Variants in CRISPLD2 observed in about 807,000 individuals in gnomAD.
The protein encoded by CRISPLD2 is cysteine-rich secretory protein LCCL domain-containing 2.
In CRISPLD2, 47 loss-of-function variants were observed where a neutral mutation model predicts 71.1. The ratio of observed to expected loss-of-function variants is 0.66; its 90% CI spans 0.52 to 0.84. The LOEUF (loss-of-function observed/expected upper bound fraction) is 0.84. Among genes scored for constraint, CRISPLD2 ranks in the 40% least tolerant of loss-of-function variants. The probability of loss-of-function intolerance (pLI) is 0.00; values close to 1 mark genes in which losing one functional copy is unlikely to be tolerated. For synonymous variants in CRISPLD2, 317 were observed against 250.1 expected (o/e 1.27, Z -2.52); for missense variants, 830 against 651.1 (o/e 1.27, Z -2.99).
intron 6 of CRISPLD2, among the ~76,000 whole-genome samples, chr16:84,863,345 C>G (rs913694271): frequency 6.6e-6 from 1 of 152,234 alleles, no homozygotes; most frequent in African/African-American, 2.4e-5. Flanking sequence ...CCCAATTTCT[C>G]TAGCTAAGCA....
At position 84,849,441 on chromosome 16, in the gene CRISPLD2, C is replaced by A. The variant is rs770225087; in HGVS notation, c.416C>A (p.Thr139Asn). The change falls in exon 4 of 15, where the codon ACC (threonine) becomes AAC (asparagine). Residue 139 changes from threonine to asparagine, a missense_variant. Transcript: ENST00000262424. ...TGGTATGACGAGGTGAAGGACTACA[C>A]CTACCCCTACCCGAGCGAGTGCAAC... ...QSWYDEVKDY[T>N]YPYPSECNPW... 3.1e-6 allele frequency: 5 copies of A among 1,614,108 alleles called. No homozygotes were observed. The Admixed American group carries it at 5.0e-5, about 16-fold the overall frequency.
chr16:84,821,932 C>A (rs1363325672), intron 1 of CRISPLD2, among the ~76,000 whole-genome samples: 1 of 152,238 alleles, frequency 6.6e-6, no homozygotes, highest in African/African-American at 2.4e-5. Flanking sequence ...GTGTGCCCAA[C>A]ATGACACAGC....
intron 14 of CRISPLD2, among the ~76,000 whole-genome samples, chr16:84,897,416 C>T (rs1348954609): frequency 6.6e-6 from 1 of 152,148 alleles, no homozygotes; most frequent in Non-Finnish European, 1.5e-5. Flanking sequence ...GATTGCACCA[C>T]TGCACTCTAG....
chr16:84,861,520 C>T (rs1917380881), intron 6 of CRISPLD2, among the ~76,000 whole-genome samples: 1 of 152,106 alleles, frequency 6.6e-6, no homozygotes, highest in Admixed American at 6.5e-5. Context: ...AAGGCAGTCT[C>T]GCCTTCTCAC....
chr16:84,862,028 T>C (rs1917397673), intron 6 of CRISPLD2, among the ~76,000 whole-genome samples: 1 of 152,228 alleles, frequency 6.6e-6, no homozygotes, highest in Non-Finnish European at 1.5e-5. Context: ...TGTGGACAGC[T>C]GGGTAGGATC....
At chr16:84,897,968 G>A (rs1001155359) in intron 14 of CRISPLD2, among the ~76,000 whole-genome samples, 6 of 152,250 alleles carry the variant, frequency 3.9e-5, no homozygotes, top group East Asian at 3.9e-4. Context: ...TTTGTTAATC[G>A]GATTGTGGCT....
At chr16:84,826,198 T>C (rs958566645) in intron 1 of CRISPLD2, among the ~76,000 whole-genome samples, 11 of 152,172 alleles carry the variant, frequency 7.2e-5, no homozygotes, top group Non-Finnish European at 1.0e-4. Context: ...GTTCTGGTTA[T>C]AGGGCCTGGT....
At chr16:84,860,092 C>CCTTACTCT (rs75309741) in intron 6 of CRISPLD2, among the ~76,000 whole-genome samples, 1 of 151,504 alleles carries the variant, frequency 6.6e-6, no homozygotes. Flanking sequence ...CCTTTGGATC[C>CCTTACTCT]ACATTAAACC....
chr16:84,844,709 A>G (rs775676483), intron 2 of CRISPLD2, among the ~76,000 whole-genome samples: 3 of 151,342 alleles, frequency 2.0e-5, no homozygotes, highest in Non-Finnish European at 4.4e-5. Flanking sequence ...GCATCCATTC[A>G]TCTCGGGGCC....
At chr16:84,847,377 CAA>C (rs1597455442) in intron 3 of CRISPLD2, among the ~76,000 whole-genome samples, 2 of 152,260 alleles carry the variant, frequency 1.3e-5, no homozygotes, top group East Asian at 3.9e-4. Flanking sequence ...ACAGGCTGGG[CAA>C]GGTGGCTCAT....
At chr16:84,876,328 C>T (rs1283423642) in intron 11 of CRISPLD2, among the ~76,000 whole-genome samples, 1 of 151,976 alleles carries the variant, frequency 6.6e-6, no homozygotes, top group African/African-American at 2.4e-5. Flanking sequence ...ATGGTGAAAC[C>T]CCGTCTCTAC....
chr16:84,839,855 G>A (rs1916724104), intron 2 of CRISPLD2: 1 of 152,242 alleles, frequency 6.6e-6, no homozygotes, highest in Non-Finnish European at 1.5e-5. Context: ...CGGGCATGGT[G>A]GTGCGCACCT....
At chr16:84,849,871 C>A (rs956232227) in intron 4 of CRISPLD2, among the ~76,000 whole-genome samples, 2 of 148,308 alleles carry the variant, frequency 1.3e-5, no homozygotes, top group East Asian at 4.1e-4. Flanking sequence ...TTGTGCACTA[C>A]GAGGCCTGGC....
At position 84,908,045 on chromosome 16, in the gene CRISPLD2, A is replaced by G. The variant is rs1027171168; in HGVS notation, c.*1403A>G. The G allele has an allele frequency of 2.0e-5, 3 of 152,222 alleles. No homozygotes were observed. The highest frequency in any genetic ancestry group is 2.9e-5 in the Non-Finnish European group (2 of 68,036). 9.4% of individuals were successfully genotyped at this position (152,222 alleles called of 1,614,324 possible). ...ATGCTAGTTTCAAATTTGATTCAAA[A>G]TATTTCTTAGGTGAAAGAACTAGCA... On this transcript the variant is annotated 3_prime_UTR_variant, in exon 15 of 15. Coordinates refer to ENST00000262424, the MANE Select transcript of CRISPLD2 (RefSeq NM_031476.4).
intron 6 of CRISPLD2, among the ~76,000 whole-genome samples, chr16:84,865,270 C>T (rs1243599627): frequency 1.3e-5 from 2 of 152,138 alleles, no homozygotes; most frequent in Non-Finnish European, 1.5e-5. Context: ...ATTCTTCTGC[C>T]TCAGCCCCCC....
Position 84,897,806 on chromosome 16 carries a change from G to A in CRISPLD2, c.1439+8443G>A, listed in dbSNP as rs573166423. Among the ~76,000 whole-genome samples the A allele has an allele frequency of 3.5e-3, 526 of 152,272 alleles. 3 individuals carry two copies. The highest frequency in any genetic ancestry group is 0.012 in the African/African-American group (513 of 41,548). ...TAATTTTTGTATTTTTAGTAGAGAC[G>A]GGGTTTCGCCATGTTGGCCAGGCTG... is the stretch of plus-strand genomic sequence containing the variant. On this transcript the variant is annotated intron_variant, in intron 14 of 14. Coordinates refer to ENST00000262424, the MANE Select transcript of CRISPLD2 (RefSeq NM_031476.4).
intron 14 of CRISPLD2, 118 bp from the exon 15 acceptor site, chr16:84,906,470 A>G (rs1388360295): frequency 3.0e-6 from 3 of 993,348 alleles, no homozygotes; most frequent in East Asian, 2.4e-5. Flanking sequence ...TCCCTTGGCC[A>G]TGGCTCTTCC....
chr16:84,873,172 C>T (rs371496925), intron 10 of CRISPLD2, 50 bp downstream of exon 10: 40 of 1,574,388 alleles, frequency 2.5e-5, no homozygotes, highest in African/African-American at 4.1e-5. Flanking sequence ...CTGTTTATGA[C>T]GGTGTTGTTG....
intron 1 of CRISPLD2, among the ~76,000 whole-genome samples, chr16:84,833,004 C>G (rs911369643): frequency 5.9e-5 from 9 of 152,224 alleles, no homozygotes; most frequent in African/African-American, 2.2e-4. Flanking sequence ...ATAGTGCAAA[C>G]AAGCTGTGTT....
Sources: allele counts gnomAD v4.1 joint callset (sites outside exome capture counted in the v4.1 genomes callset), GRCh38; gene constraint gnomAD v4.1.1; transcripts MANE v1.5; gene names NCBI Gene and HGNC (gene_info 2026-07-23, HGNC 2026-07-21).